The following RGS12 variants were observed in gnomAD, a reference collection of about 807,000 sequenced individuals.
RGS12 encodes regulator of G-protein signaling 12.
RGS12 carries 66 observed loss-of-function variants against 120.1 expected under a neutral mutation model. The ratio of observed to expected loss-of-function variants is 0.55; its 90% CI spans 0.45 to 0.67. The LOEUF (loss-of-function observed/expected upper bound fraction) is 0.67. Among genes scored for constraint, RGS12 ranks in the 30% least tolerant of loss-of-function variants. The pLI, the probability that RGS12 is intolerant of heterozygous loss-of-function variation, is 0.00. For synonymous variants in RGS12, 827 were observed against 804.7 expected, an observed-to-expected ratio of 1.03 and a Z score of -0.47; for missense variants, 1,859 against 1,957.7, an observed-to-expected ratio of 0.95 and a Z score of 0.95.
intron 3 of RGS12, among the ~76,000 whole-genome samples, chr4:3,361,065 A>T (rs1179088880): frequency 6.6e-6 from 1 of 152,242 alleles, no homozygotes; most frequent in Non-Finnish European, 1.5e-5. Context: ...CCTGTGATTT[A>T]TTCTTGCAGT....
In RGS12 at chr4:3,439,563, C is replaced by T. The variant is rs375231980; in HGVS notation, c.4223C>T (p.Ala1408Val). 2.1e-5 allele frequency: 34 copies of T among 1,611,900 alleles called. No individual in the cohort carries two copies. Among genetic ancestry groups the T allele is most frequent in the Middle Eastern group, 1.6e-4 (1 of 6,070 alleles). The change falls in exon 18 of 18, where the codon GCT (alanine) becomes GTT (valine). Residue 1408 changes from alanine to valine, a missense_variant. Physicochemically the swap from Ala to Val is moderately conservative, Grantham distance 64 (BLOSUM62 0). This residue lies in a region of RGS12 where 517 missense variants were observed against 488.5 expected (regional missense o/e 1.06). Transcript: ENST00000336727. ...GATGGTGGCATAGCGGGGGCACAGGCTGGCCCTGGGAGGTCGCAGGCCAGT... is the reference window on the plus strand; with the variant it reads ...GATGGTGGCATAGCGGGGGCACAGGTTGGCCCTGGGAGGTCGCAGGCCAGT... ...GRDGGIAGAQ[A>V]GPGRSQASGG...
In RGS12 at chr4:3,430,931, G is replaced by A; in HGVS notation, c.4090G>A (p.Glu1364Lys). ...GCTGCCGCCGCCCTCCACCCCCCAG[G>A]AAGTGCCAGGACCTTCCAGACCAGG... Reference protein sequence around the residue: ...TLLPPPSTPQEVPGPSRPGSG... With the variant: ...TLLPPPSTPQKVPGPSRPGSG... The change falls in exon 17 of 18, where the codon GAA becomes AAA. Residue 1364 changes from glutamate to lysine, a missense_variant. Around this residue, in one of 3 missense-constraint regions of RGS12, gnomAD observed 517 missense variants for 488.5 expected, o/e 1.06. Coordinates refer to ENST00000336727, the MANE Select transcript of RGS12 (RefSeq NM_001394154.1). The A allele has an allele frequency of 6.2e-7, 1 of 1,612,756 alleles. No homozygotes were observed. Among genetic ancestry groups the A allele is most frequent in the South Asian group, 1.1e-5 (1 of 91,074 alleles).
rs909407282 is a variant in RGS12, at chr4:3,389,762, A to G, written c.2020+3325A>G. Among the ~76,000 whole-genome samples the G allele has an allele frequency of 4.6e-5, 7 of 152,098 alleles. No individual in the cohort carries two copies. The highest frequency in any genetic ancestry group is 8.8e-5 in the Non-Finnish European group (6 of 67,994). ...TCTGTGCCAGCAGGAAAGCCGGGGAACTGTGCGGCTCTGGCTTTGGGGGAC... is the reference window on the plus strand; with the variant it reads ...TCTGTGCCAGCAGGAAAGCCGGGGAGCTGTGCGGCTCTGGCTTTGGGGGAC... On this transcript the variant is annotated intron_variant, in intron 4 of 17. Coordinates refer to ENST00000336727, the MANE Select transcript of RGS12 (RefSeq NM_001394154.1). This position sits in a 1 kb window ranked among gnomAD's most constrained non-coding sequence, Gnocchi z 5.2.
chr4:3,351,220 C>T (rs996670344), intron 3 of RGS12, among the ~76,000 whole-genome samples: 1 of 151,774 alleles, frequency 6.6e-6, no homozygotes, highest in East Asian at 1.9e-4. Flanking sequence ...AAAAAAACAA[C>T]AAAATTTTCA....
intron 11 of RGS12, 152 bp from the exon 12 acceptor site, chr4:3,422,753 G>A: frequency 3.2e-6 from 3 of 952,212 alleles, no homozygotes; most frequent in Non-Finnish European, 4.8e-6. Flanking sequence ...CGTGGGTGCT[G>A]GGTTGGTGTG....
intron 2 of RGS12, chr4:3,342,485 C>T: frequency 7.8e-7 from 1 of 1,289,592 alleles, no homozygotes; most frequent in Non-Finnish European, 1.0e-6. Context: ...CTTTCATTTC[C>T]TAAAGTGCTT....
chr4:3,370,409 T>C, intron 3 of RGS12: 1 of 1,237,202 alleles, frequency 8.1e-7, no homozygotes, highest in South Asian at 1.2e-5. Context: ...GTGGCAGCTG[T>C]GGGACCTGCA....
At chr4:3,387,151 G>A (rs2108972617) in intron 4 of RGS12, among the ~76,000 whole-genome samples, 1 of 152,228 alleles carries the variant, frequency 6.6e-6, no homozygotes, top group South Asian at 2.1e-4. Flanking sequence ...TCACGCTTTT[G>A]TCCCCACTTC....
chr4:3,396,521 T>C (rs1267275490), intron 4 of RGS12, among the ~76,000 whole-genome samples: 2 of 152,236 alleles, frequency 1.3e-5, no homozygotes, highest in Non-Finnish European at 2.9e-5. Flanking sequence ...CTCCATGTAA[T>C]GAAAAGACAA....
intron 13 of RGS12, among the ~76,000 whole-genome samples, chr4:3,424,145 C>T (rs752495878): frequency 9.8e-5 from 15 of 152,362 alleles, no homozygotes; most frequent in East Asian, 7.7e-4. Context: ...AAGAAAACAC[C>T]GCGTGGGGTG....
intron 1 of RGS12, among the ~76,000 whole-genome samples, chr4:3,302,165 T>C (rs951302097): frequency 9.2e-5 from 14 of 152,096 alleles, no homozygotes; most frequent in Admixed American, 1.3e-4. Flanking sequence ...ACTGAAATAG[T>C]GTTTGTTTCT....
At chr4:3,352,726 G>GT (rs1227303038) in intron 3 of RGS12, among the ~76,000 whole-genome samples, 5 of 152,178 alleles carry the variant, frequency 3.3e-5, no homozygotes, top group Admixed American at 6.5e-5. Context: ...AGTAATTTGC[G>GT]TATGTGTGTA....
chr4:3,335,451 C>G (rs1422929458), intron 2 of RGS12, among the ~76,000 whole-genome samples: 1 of 152,188 alleles, frequency 6.6e-6, no homozygotes, highest in East Asian at 1.9e-4. Flanking sequence ...CTAAGCCCAC[C>G]CTCTATGACA....
At chr4:3,307,939 G>A (rs544564454) in intron 1 of RGS12, among the ~76,000 whole-genome samples, 58 of 152,364 alleles carry the variant, frequency 3.8e-4, no homozygotes, top group Non-Finnish European at 7.6e-4. Context: ...CTTACCTGGT[G>A]TATTTGGGTT....
intron 9 of RGS12, chr4:3,420,329 T>C (rs1722865165): frequency 2.2e-6 from 1 of 462,652 alleles, no homozygotes; most frequent in Non-Finnish European, 4.0e-6. Context: ...CTGCACGTAC[T>C]GATGTGATTT....
intron 9 of RGS12, among the ~76,000 whole-genome samples, chr4:3,419,666 A>T (rs1403925433): frequency 2.6e-5 from 4 of 151,968 alleles, no homozygotes; most frequent in African/African-American, 9.7e-5. Flanking sequence ...AAAAAAAATT[A>T]AAAATTAGCC....
chr4:3,382,435 G>A (rs1183735815), intron 3 of RGS12, among the ~76,000 whole-genome samples: 6 of 152,202 alleles, frequency 3.9e-5, no homozygotes, highest in African/African-American at 9.7e-5. Flanking sequence ...TGTGCTGAGT[G>A]CCGACTGGAT....
intron 1 of RGS12, chr4:3,314,199 G>T (rs566546358): frequency 4.0e-5 from 6 of 151,518 alleles, no homozygotes; most frequent in Non-Finnish European, 8.8e-5. Flanking sequence ...TACTAAGTAC[G>T]CATGTTCTGT....
chr4:3,294,571 G>C (rs1003807039), intron 1 of RGS12, among the ~76,000 whole-genome samples: 1 of 152,244 alleles, frequency 6.6e-6, no homozygotes, highest in South Asian at 2.1e-4. Flanking sequence ...CCTGCGTGGT[G>C]CCTCAGCTGG....
Sources: allele counts gnomAD v4.1 joint callset (sites outside exome capture counted in the v4.1 genomes callset), GRCh38; gene constraint gnomAD v4.1.1; regional missense constraint gnomAD v4.1.1; non-coding constraint Gnocchi (gnomAD v3.1); transcripts MANE v1.5; gene names NCBI Gene and HGNC (gene_info 2026-07-23, HGNC 2026-07-21).